BCAS3: variants seen among roughly 807,000 people sequenced by gnomAD.
The protein encoded by BCAS3 is BCAS4/BCAS3 fusion.
In BCAS3, 53 loss-of-function variants were observed where a neutral mutation model predicts 116.1. The ratio of observed to expected loss-of-function variants is 0.46; its 90% CI spans 0.37 to 0.57. The LOEUF is 0.57. BCAS3 is among the 20% of genes least tolerant of loss of function. The pLI, the probability that BCAS3 is intolerant of heterozygous loss-of-function variation, is 0.00. For missense variants in BCAS3, 917 were observed against 1,165.4 expected, an observed-to-expected ratio of 0.79 and a Z score of 3.10; for synonymous variants, 391 against 408.2, an observed-to-expected ratio of 0.96 and a Z score of 0.51.
At position 61,387,110 on chromosome 17, in the gene BCAS3, T is replaced by G. The variant is rs921815718; in HGVS notation, c.2594-4867T>G. On this transcript the variant is annotated intron_variant, in intron 23 of 23. Coordinates refer to ENST00000407086, the MANE Select transcript of BCAS3 (RefSeq NM_017679.5). This position sits in a 1 kb window ranked among gnomAD's most constrained non-coding sequence, Gnocchi z 6.2. The stretch of plus-strand genomic sequence containing the variant: ...CGACCTACTGCTGGGGCCCCTGGTT[T>G]GGCCTCTCCAGCTTTCCCTGCGTCT... 2.0e-5 allele frequency among the ~76,000 whole-genome samples: 3 copies of G among 152,190 alleles called. No homozygotes were observed. The highest frequency in any genetic ancestry group is 4.4e-5 in the Non-Finnish European group (3 of 68,030).
chr17:60,683,422 G>A (rs1300819177), intron 2 of BCAS3, among the ~76,000 whole-genome samples: 1 of 137,832 alleles, frequency 7.3e-6, no homozygotes, highest in Non-Finnish European at 1.5e-5. Context: ...AATGTTAAAA[G>A]CCCATTTACA....
intron 14 of BCAS3, among the ~76,000 whole-genome samples, chr17:60,976,635 A>T (rs918748227): frequency 6.6e-6 from 1 of 152,066 alleles, no homozygotes; most frequent in Non-Finnish European, 1.5e-5. Context: ...GGGAGTGGTG[A>T]TGACTCTTAA....
chr17:60,767,204 A>C (rs2044198120), intron 6 of BCAS3, among the ~76,000 whole-genome samples: 1 of 152,014 alleles, frequency 6.6e-6, no homozygotes, highest in Admixed American at 6.6e-5. Flanking sequence ...GGCTGCACCC[A>C]CTGTCTGACC....
In BCAS3 at chr17:61,204,893, A is replaced by C. The variant is rs2081038331; in HGVS notation, c.2425+120329A>C. ...AGGGCAAAACACCTTCTCAACAAAAAATATAGAAATTAGCCTGGCGTGGCG... is the reference window on the plus strand; with the variant it reads ...AGGGCAAAACACCTTCTCAACAAAACATATAGAAATTAGCCTGGCGTGGCG... On this transcript the variant is annotated intron_variant, in intron 22 of 23. Coordinates refer to ENST00000407086, the MANE Select transcript of BCAS3 (RefSeq NM_017679.5). The surrounding 1 kb of genome is among the most constrained non-coding windows in gnomAD (Gnocchi z 4.2). 6.6e-6 allele frequency among the ~76,000 whole-genome samples: 1 copy of C among 152,148 alleles called. No homozygotes were observed. Among genetic ancestry groups the C allele is most frequent in the African/African-American group, 2.4e-5 (1 of 41,432 alleles).
At position 60,967,843 on chromosome 17, in the gene BCAS3, C is replaced by G. The variant is rs987501806; in HGVS notation, c.1221+20491C>G. Among the ~76,000 whole-genome samples the G allele has an allele frequency of 9.2e-5, 14 of 152,138 alleles. No homozygotes were observed. The highest frequency in any genetic ancestry group is 3.1e-4 in the African/African-American group (13 of 41,522). ...TTCCACTGTTGAGAGTCTCTGATGA[C>G]TTCTTCAGTTCAGCAAATATGTTTC... is the stretch of plus-strand genomic sequence containing the variant. On this transcript the variant is annotated intron_variant, in intron 14 of 23. Transcript: ENST00000407086. The surrounding 1 kb of genome is among the most constrained non-coding windows in gnomAD (Gnocchi z 4.7).
intron 22 of BCAS3, among the ~76,000 whole-genome samples, chr17:61,155,017 G>A (rs1156899692): frequency 6.6e-6 from 1 of 151,864 alleles, no homozygotes; most frequent in African/African-American, 2.4e-5. Context: ...TTTGAGTATG[G>A]AAAAGTGATC....
chr17:61,097,988 A>G lies in BCAS3; in HGVS notation c.2425+13424A>G, dbSNP rs1011532025. Reference sequence around the variant, plus strand: ...AGCTGGCAGATGAAGTTCCAGTGTGATGAATTCCCAGCTTGTCCTTATTGC... The same window carrying G: ...AGCTGGCAGATGAAGTTCCAGTGTGGTGAATTCCCAGCTTGTCCTTATTGC... On this transcript the variant is annotated intron_variant, in intron 22 of 23. Transcript: ENST00000407086. This position sits in a 1 kb window ranked among gnomAD's most constrained non-coding sequence, Gnocchi z 4.0. Among the ~76,000 whole-genome samples, 7 of 152,254 alleles carry G rather than the reference A, an allele frequency of 4.6e-5. No homozygotes were observed. The highest frequency in any genetic ancestry group is 1.3e-4 in the Admixed American group (2 of 15,290).
In BCAS3 at chr17:60,683,977, T is replaced by C. The variant is rs1287673810; in HGVS notation, c.84-5T>C. The C allele has an allele frequency of 1.9e-6, 3 of 1,613,292 alleles. No homozygotes were observed. Among genetic ancestry groups the C allele is most frequent in the Admixed American group, 1.7e-5 (1 of 59,962 alleles). On this transcript the variant is annotated splice_region_variant and splice_polypyrimidine_tract_variant and intron_variant, in intron 2 of 23. Coordinates refer to ENST00000407086, the MANE Select transcript of BCAS3 (RefSeq NM_017679.5). ...ACCAGTGTTGTCCATTTCACCCTTT[T>C]CCAGAGAGCAGTCCTACATGGAAAG... is the stretch of plus-strand genomic sequence containing the variant.
chr17:61,187,719 G>A (rs1261240391), intron 22 of BCAS3, among the ~76,000 whole-genome samples: 1 of 152,144 alleles, frequency 6.6e-6, no homozygotes, highest in Non-Finnish European at 1.5e-5. Flanking sequence ...GTGGCAACAT[G>A]TGTCTGAACA....
chr17:61,157,434 C>T (rs1245273203), intron 22 of BCAS3: 1 of 152,178 alleles, frequency 6.6e-6, no homozygotes, highest in Non-Finnish European at 1.5e-5. Context: ...CTGTGGAAGA[C>T]TTACTCCCCT....
chr17:60,724,772 G>A (rs2144118388), intron 5 of BCAS3, among the ~76,000 whole-genome samples: 1 of 150,860 alleles, frequency 6.6e-6, no homozygotes, highest in South Asian at 2.1e-4. Flanking sequence ...TTTACCTTTA[G>A]GTTTAAGATT....
At chr17:61,119,433 T>C in intron 22 of BCAS3, among the ~76,000 whole-genome samples, 1 of 152,140 alleles carries the variant, frequency 6.6e-6, no homozygotes, top group East Asian at 1.9e-4. Flanking sequence ...GAAGAAAACA[T>C]GATAGTGTCA....
rs2059340864 is a variant in BCAS3 at position 61,376,366 on chromosome 17, C to G, written c.2593+7872C>G. Among the ~76,000 whole-genome samples, 1 of 152,172 alleles carries G rather than the reference C, an allele frequency of 6.6e-6. No homozygotes were observed. ...CTCATAGCCCCATAGGTCACATTCC[C>G]TGCTTCCCTACCACACACAACCACC... On this transcript the variant is annotated intron_variant, in intron 23 of 23. Coordinates refer to ENST00000407086, the MANE Select transcript of BCAS3 (RefSeq NM_017679.5). The surrounding 1 kb of genome is among the most constrained non-coding windows in gnomAD (Gnocchi z 4.5).
rs1187280342 is a variant in BCAS3, at chr17:61,156,354, C to T, written c.2425+71790C>T. 1.3e-5 allele frequency among the ~76,000 whole-genome samples: 2 copies of T among 151,956 alleles called. No individual in the cohort carries two copies. Among genetic ancestry groups the T allele is most frequent in the African/African-American group, 4.8e-5 (2 of 41,350 alleles). On this transcript the variant is annotated intron_variant, in intron 22 of 23. Coordinates refer to ENST00000407086, the MANE Select transcript of BCAS3 (RefSeq NM_017679.5). This position sits in a 1 kb window ranked among gnomAD's most constrained non-coding sequence, Gnocchi z 4.7. ...TCTTTCCCTCTTCATTTTCTGAGTT[C>T]GGGAGAAAGGTGGACTTTTGTTTTA...
intron 16 of BCAS3, among the ~76,000 whole-genome samples, chr17:61,033,274 A>G (rs1249051111): frequency 1.3e-5 from 2 of 152,202 alleles, no homozygotes; most frequent in Admixed American, 1.3e-4. Context: ...GTTGGGCTCC[A>G]TTCCCAGAAT....
chr17:61,075,463 C>T (rs2071887524), intron 20 of BCAS3, among the ~76,000 whole-genome samples: 1 of 152,048 alleles, frequency 6.6e-6, no homozygotes, highest in South Asian at 2.1e-4. Flanking sequence ...TACAGGCATG[C>T]ACCACCATGC....
chr17:61,310,123 A>G (rs772294036), intron 22 of BCAS3, among the ~76,000 whole-genome samples: 2 of 152,182 alleles, frequency 1.3e-5, no homozygotes, highest in Non-Finnish European at 2.9e-5. Context: ...GGGTGAATGA[A>G]TCAAAGGCGA....
chr17:60,948,637 C>A (rs899048656), intron 14 of BCAS3, among the ~76,000 whole-genome samples: 2 of 152,044 alleles, frequency 1.3e-5, no homozygotes, highest in Non-Finnish European at 2.9e-5. Context: ...CTCTTGAATT[C>A]CCACCAAAAT....
intron 19 of BCAS3, among the ~76,000 whole-genome samples, chr17:61,060,220 A>C (rs2069847504): frequency 6.6e-6 from 1 of 151,572 alleles, no homozygotes; most frequent in Admixed American, 6.6e-5. Context: ...TCCCCCTCCC[A>C]GGTTCACGCC....
Sources: gnomAD v4.1 joint callset for allele counts (sites outside exome capture counted in the v4.1 genomes callset) on GRCh38, gnomAD v4.1.1 for gene constraint, Gnocchi (gnomAD v3.1) non-coding constraint, MANE v1.5 for transcripts, NCBI Gene and HGNC (gene_info 2026-07-23, HGNC 2026-07-21) for gene names.